Variants in MTX2 observed in about 807,000 individuals in gnomAD.
The protein encoded by MTX2 is metaxin-2.
Under a neutral mutation model 42.3 loss-of-function variants are expected in MTX2, and 35 were observed. The observed-to-expected ratio is 0.83, with a 90% CI of 0.63 to 1.10. The LOEUF (loss-of-function observed/expected upper bound fraction) is 1.10, where lower values mean the gene tolerates loss of function less well. MTX2 is among the 50% of genes least tolerant of loss of function. The pLI, the probability that MTX2 is intolerant of heterozygous loss-of-function variation, is 0.00. For missense variants in MTX2, 307 were observed against 304.1 expected (o/e 1.01, Z -0.07); for synonymous variants, 119 against 100.9 (o/e 1.18, Z -1.08).
intron 9 of MTX2, among the ~76,000 whole-genome samples, chr2:176,336,433 CA>C: frequency 6.6e-6 from 1 of 152,176 alleles, no homozygotes; most frequent in South Asian, 2.1e-4. Context: ...GATTGGGTAT[CA>C]TTTTTTTGGT....
intron 3 of MTX2, among the ~76,000 whole-genome samples, chr2:176,302,124 G>C (rs1684038385): frequency 6.8e-6 from 1 of 147,442 alleles, no homozygotes; most frequent in Non-Finnish European, 1.5e-5. Flanking sequence ...TAAAAAGCTG[G>C]TGTTTTTTTT....
chr2:176,271,350 C>T (rs1034749874), intron 1 of MTX2, among the ~76,000 whole-genome samples: 1 of 151,854 alleles, frequency 6.6e-6, no homozygotes, highest in Non-Finnish European at 1.5e-5. Flanking sequence ...CAGAAGAGGC[C>T]TAAGCAAAAC....
At chr2:176,296,051 GCTT>G (rs1683867929) in intron 1 of MTX2, among the ~76,000 whole-genome samples, 1 of 152,136 alleles carries the variant, frequency 6.6e-6, no homozygotes, top group Non-Finnish European at 1.5e-5. Flanking sequence ...TGGAGCCATT[GCTT>G]CTTAAGTGCA....
chr2:176,335,222 A>T (rs894953968), intron 9 of MTX2, among the ~76,000 whole-genome samples: 1 of 152,042 alleles, frequency 6.6e-6, no homozygotes, highest in Non-Finnish European at 1.5e-5. Flanking sequence ...AGAGTATTTT[A>T]GGCAGCAGGA....
At chr2:176,289,362 A>G (rs1479869469) in intron 1 of MTX2, among the ~76,000 whole-genome samples, 1 of 151,740 alleles carries the variant, frequency 6.6e-6, no homozygotes, top group Non-Finnish European at 1.5e-5. Flanking sequence ...TCATTTGCAT[A>G]AAAAAAACTC....
At chr2:176,315,185 G>A (rs747134636) in intron 3 of MTX2, among the ~76,000 whole-genome samples, 5 of 152,160 alleles carry the variant, frequency 3.3e-5, no homozygotes, top group Non-Finnish European at 7.4e-5. Flanking sequence ...TTCATTTCTC[G>A]TCAGAAGTCT....
intron 9 of MTX2, among the ~76,000 whole-genome samples, chr2:176,337,068 A>G (rs1685006928): frequency 1.3e-5 from 2 of 152,158 alleles, no homozygotes; most frequent in South Asian, 4.1e-4. Flanking sequence ...TACTTATAGT[A>G]CCCAATACAC....
intron 3 of MTX2, among the ~76,000 whole-genome samples, chr2:176,322,061 A>C (rs1684597754): frequency 6.6e-6 from 1 of 152,174 alleles, no homozygotes; most frequent in South Asian, 2.1e-4. Flanking sequence ...ACATGCATAC[A>C]TAAGTTACAG....
intron 1 of MTX2, among the ~76,000 whole-genome samples, chr2:176,272,375 T>C (rs1415811358): frequency 6.6e-6 from 1 of 152,174 alleles, no homozygotes; most frequent in Non-Finnish European, 1.5e-5. Flanking sequence ...TTAATAATAA[T>C]GTATTATATA....
At chr2:176,299,045 GAAA>G (rs1484264263) in intron 3 of MTX2, among the ~76,000 whole-genome samples, 5 of 152,068 alleles carry the variant, frequency 3.3e-5, no homozygotes, top group African/African-American at 1.2e-4. Context: ...TCATCAAATA[GAAA>G]GGTATTTTGG....
At chr2:176,320,614 C>T (rs932833622) in intron 3 of MTX2, among the ~76,000 whole-genome samples, 3 of 151,998 alleles carry the variant, frequency 2.0e-5, no homozygotes, top group African/African-American at 7.2e-5. Context: ...CCACCTCTTG[C>T]ATTACAGTGG....
At chr2:176,326,942 T>A (rs1388972292) in intron 5 of MTX2, 41 bp downstream of exon 5, 2 of 1,174,464 alleles carry the variant, frequency 1.7e-6, no homozygotes, top group Admixed American at 4.8e-5. Flanking sequence ...AGTTACCAAG[T>A]CATTCATCAT....
intron 1 of MTX2, among the ~76,000 whole-genome samples, chr2:176,290,748 G>GAT (rs1340219352): frequency 7.4e-6 from 1 of 134,436 alleles, no homozygotes; most frequent in African/African-American, 2.7e-5. Context: ...GGAATAACTA[G>GAT]TTTTTTTTTT....
In MTX2 at chr2:176,323,556, A is replaced by AG. The variant is rs370118451; in HGVS notation, c.208+92_208+93insG. ...TTGTATCTACATGTTAAAATGCCTG[A>AG]TTTTTTTTGTTTACCCTTTGAAGAA... On this transcript the variant is annotated intron_variant, in intron 4 of 9. Transcript: ENST00000249442. The AG allele has an allele frequency of 5.5e-4, 669 of 1,208,538 alleles. 3 individuals are homozygous for AG. The African/African-American group carries it at 8.7e-3, about 16-fold the overall frequency. 74.9% of individuals were successfully genotyped at this position (1,208,538 alleles called of 1,614,324 possible).
chr2:176,311,465 A>C (rs193271822), intron 3 of MTX2, among the ~76,000 whole-genome samples: 1 of 152,230 alleles, frequency 6.6e-6, no homozygotes, highest in Non-Finnish European at 1.5e-5. Context: ...TGAAGTCTGC[A>C]GAAGTTGTCT....
At chr2:176,337,081 A>C (rs140798435) in intron 9 of MTX2, among the ~76,000 whole-genome samples, 1 of 152,244 alleles carries the variant, frequency 6.6e-6, no homozygotes, top group East Asian at 1.9e-4. Context: ...CAATACACAC[A>C]ATCTAAATGA....
intron 9 of MTX2, among the ~76,000 whole-genome samples, chr2:176,334,117 A>G (rs1684931463): frequency 6.6e-6 from 1 of 151,744 alleles, no homozygotes; most frequent in Admixed American, 6.6e-5. Flanking sequence ...TATATAATTC[A>G]GTACCTCTGG....
intron 1 of MTX2, among the ~76,000 whole-genome samples, chr2:176,283,737 G>A (rs966084145): frequency 3.3e-5 from 5 of 152,126 alleles, no homozygotes; most frequent in African/African-American, 1.2e-4. Flanking sequence ...TTAGTTTGAA[G>A]GATATTTGTT....
At chr2:176,315,608 CCTT>C (rs949701115) in intron 3 of MTX2, among the ~76,000 whole-genome samples, 2 of 152,176 alleles carry the variant, frequency 1.3e-5, no homozygotes, top group Non-Finnish European at 2.9e-5. Flanking sequence ...CAGCTCAACA[CCTT>C]CTAATGATTT....
Sources: gnomAD v4.1 joint callset for allele counts (sites outside exome capture counted in the v4.1 genomes callset) on GRCh38, gnomAD v4.1.1 for gene constraint, MANE v1.5 for transcripts, NCBI Gene and HGNC (gene_info 2026-07-23, HGNC 2026-07-21) for gene names.